The following PACSIN2 variants were observed in gnomAD, a reference collection of about 807,000 sequenced individuals.
PACSIN2 encodes protein kinase C and casein kinase substrate in neurons protein 2.
Under a neutral mutation model 63.8 loss-of-function variants are expected in PACSIN2, and 25 were observed. The observed-to-expected ratio is 0.39, with a 90% confidence interval of 0.29 to 0.55. The LOEUF (loss-of-function observed/expected upper bound fraction) is 0.55, where lower values mean the gene tolerates loss of function less well. Ranked by LOEUF, PACSIN2 falls within the 20% of genes least tolerant of loss-of-function variation. PACSIN2 has a pLI of 0.62. For missense variants in PACSIN2, 518 were observed against 646.9 expected (o/e 0.80, Z 2.16); for synonymous variants, 255 against 256.2 (o/e 1.00, Z 0.05).
At chr22:42,909,357 T>C (rs190056596) in intron 2 of PACSIN2, 1 of 351,062 alleles carries the variant, frequency 2.8e-6, no homozygotes, top group African/African-American at 2.2e-5. Flanking sequence ...AAAAAACTTT[T>C]CCACCTCAAG....
In PACSIN2 at chr22:42,956,303, T is replaced by C. The variant is rs146507259; in HGVS notation, c.-77-44146A>G. ...AGCCCACATAAAGATTTATGTCTTATGATTCATATATGACAGAGTCTAATA... is the reference window on the plus strand; with the variant it reads ...AGCCCACATAAAGATTTATGTCTTACGATTCATATATGACAGAGTCTAATA... On this transcript the variant is annotated intron_variant, in intron 1 of 10. Transcript: ENST00000263246. 4.0e-3 allele frequency among the ~76,000 whole-genome samples: 613 copies of C among 152,362 alleles called. 4 individuals carry two copies. Among genetic ancestry groups the C allele is most frequent in the African/African-American group, 0.014 (590 of 41,584 alleles).
chr22:43,014,321 TACAC>T (rs139728514), intron 1 of PACSIN2, among the ~76,000 whole-genome samples: 35 of 130,498 alleles, frequency 2.7e-4, no homozygotes, highest in Middle Eastern at 4.7e-3. Context: ...CCCCCCGCCC[TACAC>T]ACACACACAC....
intron 1 of PACSIN2, among the ~76,000 whole-genome samples, chr22:42,935,192 T>C (rs775631142): frequency 1.1e-4 from 16 of 152,034 alleles, no homozygotes; most frequent in Non-Finnish European, 2.1e-4. Context: ...CCCAAAGTGC[T>C]GGGATTATAG....
chr22:42,985,187 G>C (rs1381370586), intron 1 of PACSIN2, among the ~76,000 whole-genome samples: 1 of 152,212 alleles, frequency 6.6e-6, no homozygotes. Flanking sequence ...ACTCAGCCAG[G>C]AGTGGCGGCA....
chr22:42,998,910 C>T (rs1380839914), intron 1 of PACSIN2, among the ~76,000 whole-genome samples: 4 of 152,150 alleles, frequency 2.6e-5, no homozygotes, highest in Non-Finnish European at 5.9e-5. Flanking sequence ...AGGAGATCGG[C>T]TGCAGAATGG....
At chr22:42,960,836 G>T (rs1934107125) in intron 1 of PACSIN2, among the ~76,000 whole-genome samples, 1 of 152,100 alleles carries the variant, frequency 6.6e-6, no homozygotes, top group South Asian at 2.1e-4. Flanking sequence ...TGCACTTTAG[G>T]TATGCATATT....
chr22:43,011,558 A>G (rs916229075), intron 1 of PACSIN2, among the ~76,000 whole-genome samples: 1 of 152,244 alleles, frequency 6.6e-6, no homozygotes, highest in Admixed American at 6.5e-5. Context: ...CTTCAGAATC[A>G]GTAAGCCTGA....
At chr22:42,885,686 G>A (rs917130080) in intron 5 of PACSIN2, among the ~76,000 whole-genome samples, 1 of 152,128 alleles carries the variant, frequency 6.6e-6, no homozygotes, top group Non-Finnish European at 1.5e-5. Context: ...TCCTCTTCTT[G>A]AAGCCTTCCC....
chr22:42,909,498 C>T lies in PACSIN2; in HGVS notation c.60+2523G>A, dbSNP rs745902419. ...CCAGCAGGCCATCACTGAGCAGTCA[C>T]TCCGCCACTCAACGAACATCCGTCA... is the stretch of plus-strand genomic sequence containing the variant. On this transcript the variant is annotated intron_variant, in intron 2 of 10. Transcript: ENST00000263246. The T allele has an allele frequency of 6.4e-6, 3 of 471,076 alleles. 1 individual carries two copies. The highest frequency in any genetic ancestry group is 4.6e-5 in the South Asian group (3 of 64,570). 29.2% of individuals were successfully genotyped at this position (471,076 alleles called of 1,614,324 possible).
intron 1 of PACSIN2, among the ~76,000 whole-genome samples, chr22:42,996,426 G>A (rs1189992494): frequency 1.3e-5 from 2 of 151,920 alleles, no homozygotes; most frequent in South Asian, 2.1e-4. Context: ...CAGCTACTGG[G>A]AAGGCTGAGG....
intron 2 of PACSIN2, among the ~76,000 whole-genome samples, chr22:42,905,737 C>T (rs28709276): frequency 0.081 from 12,310 of 152,294 alleles, 585 homozygotes; most frequent in South Asian, 0.11. Context: ...CCTGCAGCAG[C>T]CAGCCAAAAT....
At chr22:42,969,406 G>A (rs1921073350) in intron 1 of PACSIN2, among the ~76,000 whole-genome samples, 1 of 152,080 alleles carries the variant, frequency 6.6e-6, no homozygotes, top group African/African-American at 2.4e-5. Context: ...AAGATGTTAA[G>A]GAATATTATT....
chr22:42,984,812 TC>T (rs999539835), intron 1 of PACSIN2, among the ~76,000 whole-genome samples: 11 of 152,114 alleles, frequency 7.2e-5, no homozygotes, highest in Non-Finnish European at 1.3e-4. Flanking sequence ...GTCTTCCTTC[TC>T]AGCACATCAA....
chr22:42,923,023 G>A (rs1601525552), intron 1 of PACSIN2, among the ~76,000 whole-genome samples: 2 of 152,288 alleles, frequency 1.3e-5, no homozygotes, highest in South Asian at 2.1e-4. Context: ...CAGAGGGAGT[G>A]AGTGTTGTGG....
chr22:42,981,340 C>G (rs982462570), intron 1 of PACSIN2, among the ~76,000 whole-genome samples: 4 of 145,204 alleles, frequency 2.8e-5, no homozygotes, highest in Non-Finnish European at 6.1e-5. Flanking sequence ...GCCACCCCGT[C>G]CGGGAGGGAG....
In PACSIN2 at chr22:42,884,513, GT is replaced by G; in HGVS notation, c.657del (p.Gln221SerfsTer35). On this transcript the variant is annotated frameshift_variant, in exon 6 of 11. Coordinates refer to ENST00000263246, the MANE Select transcript of PACSIN2 (RefSeq NM_001184970.3). LOFTEE classifies it high-confidence loss of function. ...TGCTCCATGTTCTCCATGTACTGGG[GT>G]GTGCCCTGGTCGAGTTCCTTCAGGG... The part of the protein sequence containing the change: ...EKSLKELDQG[T>X]PQYMENMEQV... 2 of 1,614,178 alleles carry G rather than the reference GT, an allele frequency of 1.2e-6. No individual in the cohort carries two copies. Among genetic ancestry groups the G allele is most frequent in the Non-Finnish European group, 1.7e-6 (2 of 1,179,996 alleles).
chr22:42,907,292 G>C (rs1299615392), intron 2 of PACSIN2, among the ~76,000 whole-genome samples: 2 of 152,232 alleles, frequency 1.3e-5, no homozygotes, highest in Admixed American at 1.3e-4. Flanking sequence ...TCCCAGCAGG[G>C]CAGGGAGCCA....
chr22:42,995,017 G>A (rs1367655831), intron 1 of PACSIN2, among the ~76,000 whole-genome samples: 2 of 152,192 alleles, frequency 1.3e-5, no homozygotes, highest in African/African-American at 4.8e-5. Flanking sequence ...GCTGCCTCCT[G>A]GACTCCCTCT....
At chr22:42,880,745 G>A (rs1300584071) in intron 7 of PACSIN2, 5 of 152,228 alleles carry the variant, frequency 3.3e-5, no homozygotes, top group Admixed American at 2.6e-4. Flanking sequence ...CCCACAGAGA[G>A]AAGGACCCCC....
Sources: gnomAD v4.1 joint callset for allele counts (sites outside exome capture counted in the v4.1 genomes callset) on GRCh38, gnomAD v4.1.1 for gene constraint, MANE v1.5 for transcripts, NCBI Gene and HGNC (gene_info 2026-07-23, HGNC 2026-07-21) for gene names.